SLCO3A1: variants seen among roughly 807,000 people sequenced by gnomAD.
The protein encoded by SLCO3A1 is solute carrier organic anion transporter family member 3A1, also known as PGE1 transporter.
In SLCO3A1, 27 loss-of-function variants were observed where a neutral mutation model predicts 63.1. The ratio of observed to expected loss-of-function variants is 0.43; its 90% CI spans 0.32 to 0.59. The LOEUF (loss-of-function observed/expected upper bound fraction) is 0.59, where lower values mean the gene tolerates loss of function less well. SLCO3A1 is among the 20% of genes least tolerant of loss of function. The pLI, the probability that SLCO3A1 is intolerant of heterozygous loss-of-function variation, is 0.09. For missense variants in SLCO3A1, 773 were observed against 945.8 expected (o/e 0.82, Z 2.40); for synonymous variants, 473 against 409.9 (o/e 1.15, Z -1.86).
chr15:92,093,389 C>T (rs1236814017), intron 2 of SLCO3A1, among the ~76,000 whole-genome samples: 1 of 152,102 alleles, frequency 6.6e-6, no homozygotes, highest in Non-Finnish European at 1.5e-5. Flanking sequence ...TGAGTGAGAG[C>T]ACACCCATCA....
chr15:92,072,292 T>G (rs1218438288), intron 2 of SLCO3A1, among the ~76,000 whole-genome samples: 1 of 151,972 alleles, frequency 6.6e-6, no homozygotes, highest in Non-Finnish European at 1.5e-5. Flanking sequence ...TTACTCAACC[T>G]TTGTTTTCTT....
chr15:92,126,270 G>T lies in SLCO3A1; in HGVS notation c.1373+11G>T. The stretch of plus-strand genomic sequence containing the variant: ...TCCCTATGGAAACAGGTGAGTACTG[G>T]CAGTGTCTGCCGCCTTCCTGCCTGT... On this transcript the variant is annotated intron_variant, in intron 6 of 9. Coordinates refer to ENST00000318445, the MANE Select transcript of SLCO3A1 (RefSeq NM_013272.4). 6.2e-7 allele frequency: 1 copy of T among 1,611,628 alleles called. No individual in the cohort carries two copies. Among genetic ancestry groups the T allele is most frequent in the East Asian group, 2.2e-5 (1 of 44,822 alleles).
chr15:92,005,881 C>A (rs1316179493), intron 2 of SLCO3A1, among the ~76,000 whole-genome samples: 1 of 152,128 alleles, frequency 6.6e-6, no homozygotes, highest in African/African-American at 2.4e-5. Context: ...ACTGCTGAAC[C>A]TGCCACACAC....
At chr15:92,123,555 A>T (rs749054884) in intron 5 of SLCO3A1, among the ~76,000 whole-genome samples, 28 of 152,312 alleles carry the variant, frequency 1.8e-4, no homozygotes, top group Admixed American at 9.2e-4. Context: ...ACCACCCACC[A>T]CTTGGTCAAT....
chr15:91,902,118 A>AT (rs1271719885), intron 1 of SLCO3A1, among the ~76,000 whole-genome samples: 1 of 150,866 alleles, frequency 6.6e-6, no homozygotes, highest in Non-Finnish European at 1.5e-5. Flanking sequence ...CCTTTTGTGA[A>AT]TTTTTTGTTT....
chr15:92,032,021 A>G (rs2046655935), intron 2 of SLCO3A1, among the ~76,000 whole-genome samples: 1 of 152,132 alleles, frequency 6.6e-6, no homozygotes, highest in South Asian at 2.1e-4. Context: ...CAGGATTGGC[A>G]TGGGGACTGA....
At chr15:92,104,165 G>A (rs1426749232) in intron 3 of SLCO3A1, 114 bp from the exon 4 acceptor site, 55 of 1,244,770 alleles carry the variant, frequency 4.4e-5, no homozygotes, top group Admixed American at 1.7e-4. Context: ...GTTCCCGACC[G>A]CAAGTCATTT....
chr15:92,119,894 T>C (rs2047841643), intron 4 of SLCO3A1, among the ~76,000 whole-genome samples: 1 of 152,108 alleles, frequency 6.6e-6, no homozygotes, highest in Admixed American at 6.5e-5. Context: ...GCCAGAGAGG[T>C]AGCCATGAAG....
chr15:92,080,665 A>T (rs1205829710), intron 2 of SLCO3A1, among the ~76,000 whole-genome samples: 3 of 152,194 alleles, frequency 2.0e-5, no homozygotes, highest in Admixed American at 2.0e-4. Context: ...GGTGCCCCAG[A>T]GGCCACACGG....
chr15:92,146,967 G>A lies in SLCO3A1; in HGVS notation c.1513-17G>A. On this transcript the variant is annotated splice_polypyrimidine_tract_variant and intron_variant, in intron 7 of 9. Transcript: ENST00000318445. Reference sequence around the variant, plus strand: ...GGAAGTACCCCCAGATAAAAGGGCTGAACGCTTCCCTTTCAGAATCTCACG... The same window carrying A: ...GGAAGTACCCCCAGATAAAAGGGCTAAACGCTTCCCTTTCAGAATCTCACG... The A allele has an allele frequency of 6.3e-7, 1 of 1,596,364 alleles. No homozygotes were observed. The highest frequency in any genetic ancestry group is 8.5e-7 in the Non-Finnish European group (1 of 1,171,966).
At position 91,967,433 on chromosome 15, in the gene SLCO3A1, T is replaced by C. The variant is rs1443840543; in HGVS notation, c.646+50975T>C. ...TTATATGGTGATCTGTGGTAGAATGTCCCTCCTCTGGTTATGCTTTTCTTT... is the reference window on the plus strand; with the variant it reads ...TTATATGGTGATCTGTGGTAGAATGCCCCTCCTCTGGTTATGCTTTTCTTT... On this transcript the variant is annotated intron_variant, in intron 2 of 9. Coordinates refer to ENST00000318445, the MANE Select transcript of SLCO3A1 (RefSeq NM_013272.4). This position sits in a 1 kb window ranked among gnomAD's most constrained non-coding sequence, Gnocchi z 4.4. Among the ~76,000 whole-genome samples the C allele has an allele frequency of 6.6e-6, 1 of 152,192 alleles. No homozygotes were observed. The highest frequency in any genetic ancestry group is 1.5e-5 in the Non-Finnish European group (1 of 68,036).
chr15:92,046,234 G>A (rs138564229), intron 2 of SLCO3A1, among the ~76,000 whole-genome samples: 1 of 152,092 alleles, frequency 6.6e-6, no homozygotes, highest in Non-Finnish European at 1.5e-5. Context: ...GTTATTGTCG[G>A]CTGGGCGTGG....
chr15:91,886,869 T>C lies in SLCO3A1; in HGVS notation c.181-29124T>C, dbSNP rs752362486. On this transcript the variant is annotated intron_variant, in intron 1 of 9. Transcript: ENST00000318445. The surrounding 1 kb of genome is among the most constrained non-coding windows in gnomAD (Gnocchi z 4.9). ...TGCCTTATATATTCTGTTTCTAGTCTTGCAATTTGTATATTATCATTCAGA... is the reference window on the plus strand; with the variant it reads ...TGCCTTATATATTCTGTTTCTAGTCCTGCAATTTGTATATTATCATTCAGA... Among the ~76,000 whole-genome samples the C allele has an allele frequency of 1.3e-5, 2 of 152,198 alleles. No homozygotes were observed. Among genetic ancestry groups the C allele is most frequent in the Admixed American group, 6.5e-5 (1 of 15,288 alleles).
chr15:91,889,256 C>G (rs1897809989), intron 1 of SLCO3A1: 1 of 894,192 alleles, frequency 1.1e-6, no homozygotes, highest in African/African-American at 1.7e-5. Context: ...TCCTGCTGGA[C>G]CTGGAGTGCA....
At chr15:91,871,357 C>T (rs1284357867) in intron 1 of SLCO3A1, among the ~76,000 whole-genome samples, 12 of 152,104 alleles carry the variant, frequency 7.9e-5, no homozygotes, top group African/African-American at 2.4e-4. Flanking sequence ...TAAGTGGGTT[C>T]GGTCTTCCTG....
intron 9 of SLCO3A1, among the ~76,000 whole-genome samples, chr15:92,159,949 C>A (rs536558611): frequency 4.5e-4 from 68 of 152,146 alleles, no homozygotes; most frequent in African/African-American, 1.6e-3. Context: ...TAAAATATGA[C>A]CTGGTTTGCA....
rs1230332711 is a variant in SLCO3A1, at chr15:91,894,221, G to A, written c.181-21772G>A. Among the ~76,000 whole-genome samples, 3 of 152,102 alleles carry A rather than the reference G, an allele frequency of 2.0e-5. No individual in the cohort carries two copies. The highest frequency in any genetic ancestry group is 6.6e-5 in the Admixed American group (1 of 15,266). On this transcript the variant is annotated intron_variant, in intron 1 of 9. Coordinates refer to ENST00000318445, the MANE Select transcript of SLCO3A1 (RefSeq NM_013272.4). The surrounding 1 kb of genome is among the most constrained non-coding windows in gnomAD (Gnocchi z 4.8). ...AACATATGGGATGGTGGTAGGAAAT[G>A]AGGTTGGAGAGGAGGGCAGGGGTGG... is the stretch of plus-strand genomic sequence containing the variant.
chr15:92,167,560 T>TA (rs1266604126), downstream of SLCO3A1, among the ~76,000 whole-genome samples: 5 of 152,208 alleles, frequency 3.3e-5, no homozygotes, highest in Admixed American at 3.3e-4. Flanking sequence ...CGTAATCCCT[T>TA]ACAGTAAACC....
At chr15:92,063,600 C>T (rs1204052369) in intron 2 of SLCO3A1, among the ~76,000 whole-genome samples, 2 of 152,174 alleles carry the variant, frequency 1.3e-5, no homozygotes, top group African/African-American at 2.4e-5. Flanking sequence ...TGGCTCATAC[C>T]TGTAATCCCA....
Sources: gnomAD v4.1 joint callset for allele counts (sites outside exome capture counted in the v4.1 genomes callset) on GRCh38, gnomAD v4.1.1 for gene constraint, Gnocchi (gnomAD v3.1) non-coding constraint, MANE v1.5 for transcripts, NCBI Gene and HGNC (gene_info 2026-07-23, HGNC 2026-07-21) for gene names.